ECT2: variants seen among roughly 807,000 people sequenced by gnomAD.
ECT2 encodes the protein epithelial cell transforming 2, also known as protein ECT2.
ECT2 carries 61 observed loss-of-function variants against 116.9 expected under a neutral mutation model. The observed-to-expected ratio is 0.52, with a 90% CI of 0.42 to 0.65. The LOEUF is 0.65. Among genes scored for constraint, ECT2 ranks in the 30% least tolerant of loss-of-function variants. The pLI is 0.00. For synonymous variants in ECT2, 358 were observed against 346.4 expected, an observed-to-expected ratio of 1.03 and a Z score of -0.37; for missense variants, 937 against 1,078.7, an observed-to-expected ratio of 0.87 and a Z score of 1.84.
intron 20 of ECT2, among the ~76,000 whole-genome samples, chr3:172,804,889 T>C (rs1168581870): frequency 1.0e-5 from 1 of 97,894 alleles, no homozygotes; most frequent in Non-Finnish European, 2.3e-5. Flanking sequence ...TTGAATCTAT[T>C]GATTTTTTTT....
At chr3:172,753,622 CA>C (rs1406098810) in intron 1 of ECT2, among the ~76,000 whole-genome samples, 1 of 152,118 alleles carries the variant, frequency 6.6e-6, no homozygotes, top group African/African-American at 2.4e-5. Flanking sequence ...GAGACATCCA[CA>C]GAGGATGAGT....
rs567386825 is a variant in ECT2 at position 172,754,377 on chromosome 3, G to T, written c.-22-132G>T. ...AGAAACTGAGGCTCAGAGAAGGTCA[G>T]TGACTTTCTTTGGTTCATTAAAAAA... is the stretch of plus-strand genomic sequence containing the variant. On this transcript the variant is annotated intron_variant, in intron 1 of 24. Coordinates refer to ENST00000392692, the MANE Select transcript of ECT2 (RefSeq NM_001258315.2). The T allele has an allele frequency of 5.3e-4, 318 of 598,746 alleles. 1 individual carries two copies. In the African/African-American group the frequency reaches 5.6e-3, roughly 10 times the overall value. 37.1% of individuals were successfully genotyped at this position (598,746 alleles called of 1,614,324 possible).
intron 14 of ECT2, among the ~76,000 whole-genome samples, chr3:172,776,575 G>A (rs1721780049): frequency 6.6e-6 from 1 of 151,954 alleles, no homozygotes; most frequent in Non-Finnish European, 1.5e-5. Context: ...ATGTGAAACC[G>A]GTACACACAG....
intron 20 of ECT2, among the ~76,000 whole-genome samples, chr3:172,803,853 G>C (rs1007219526): frequency 1.3e-5 from 2 of 148,172 alleles, no homozygotes; most frequent in Non-Finnish European, 3.0e-5. Context: ...TGCCCAGCTT[G>C]GAGTGCAGTG....
intron 18 of ECT2, among the ~76,000 whole-genome samples, chr3:172,793,591 G>T (rs1433813083): frequency 6.6e-6 from 1 of 152,054 alleles, no homozygotes; most frequent in African/African-American, 2.4e-5. Context: ...AGCCTCCCGA[G>T]TAATTGAGAT....
rs1717942482 is a variant in ECT2 at position 172,760,153 on chromosome 3, G to A, written c.577-3G>A. On this transcript the variant is annotated splice_region_variant and splice_polypyrimidine_tract_variant and intron_variant, in intron 6 of 24. Transcript: ENST00000392692. ...GTCAGTGTTGCTTAATTTTTCTTTTGAGGTCAGGTTGGTGACATTGGTCCA... is the reference window on the plus strand; with the variant it reads ...GTCAGTGTTGCTTAATTTTTCTTTTAAGGTCAGGTTGGTGACATTGGTCCA... 1 of 1,583,920 alleles carries A rather than the reference G, an allele frequency of 6.3e-7. No individual in the cohort carries two copies. Among genetic ancestry groups the A allele is most frequent in the African/African-American group, 1.4e-5 (1 of 73,602 alleles).
chr3:172,777,516 T>G (rs1477425616), intron 14 of ECT2, among the ~76,000 whole-genome samples: 1 of 152,144 alleles, frequency 6.6e-6, no homozygotes, highest in Admixed American at 6.5e-5. Context: ...AAGATGAAAA[T>G]TTTTGAGGTT....
intron 6 of ECT2, 143 bp downstream of exon 6, chr3:172,759,212 C>A: frequency 1.7e-6 from 1 of 571,558 alleles, no homozygotes; most frequent in Non-Finnish European, 2.9e-6. Flanking sequence ...TTTAAATTTT[C>A]TGAAGAAACA....
chr3:172,828,959 G>A, the ECT2 span: 4 of 1,383,518 alleles, frequency 2.9e-6, no homozygotes, highest in East Asian at 9.3e-5. Context: ...GGCTGCCTCA[G>A]CACCAATAAA....
the ECT2 span, chr3:172,829,126 C>T: frequency 3.0e-6 from 2 of 673,864 alleles, no homozygotes; most frequent in African/African-American, 3.6e-5. Flanking sequence ...CCTGGTGCAA[C>T]AGTGGATCTG....
intron 18 of ECT2, among the ~76,000 whole-genome samples, chr3:172,791,163 A>C (rs1724587523): frequency 6.6e-6 from 1 of 152,184 alleles, no homozygotes; most frequent in African/African-American, 2.4e-5. Context: ...TCAAGAAAAA[A>C]ATTAGTAAAC....
At chr3:172,824,599 A>G (rs929621580), downstream of ECT2, among the ~76,000 whole-genome samples, 2 of 152,196 alleles carry the variant, frequency 1.3e-5, no homozygotes, top group African/African-American at 4.8e-5. Context: ...TCAATATGCA[A>G]TACACTTTTC....
At chr3:172,818,853 A>G in intron 24 of ECT2, 2 of 1,135,022 alleles carry the variant, frequency 1.8e-6, no homozygotes, top group Non-Finnish European at 2.2e-6. Context: ...ATTTGCGGGA[A>G]AAAAAAAAGG....
At chr3:172,772,546 C>G (rs1720859809) in intron 13 of ECT2, among the ~76,000 whole-genome samples, 1 of 152,124 alleles carries the variant, frequency 6.6e-6, no homozygotes, top group Non-Finnish European at 1.5e-5. Flanking sequence ...ACATGACTTG[C>G]AAATGCTTTT....
At chr3:172,784,653 C>A in intron 16 of ECT2, 54 bp from the exon 17 acceptor site, 3 of 1,271,758 alleles carry the variant, frequency 2.4e-6, no homozygotes, top group Non-Finnish European at 3.5e-6. Context: ...AAAAGTAGGG[C>A]ATATAATCTT....
rs763734497 is a variant in ECT2 at position 172,757,045 on chromosome 3, G to A, written c.366G>A (p.Pro122=). 10 of 1,611,480 alleles carry A rather than the reference G, an allele frequency of 6.2e-6. No homozygotes were observed. The highest frequency in any genetic ancestry group is 3.4e-5 in the Admixed American group (2 of 59,436). The stretch of plus-strand genomic sequence containing the variant: ...AAGAATTTGAAGGTTTGGATTCTCC[G>A]GAATTTGAAAATGTATTTGTAGTCA... ...SVEEFEGLDS[P]EFENVFVVTD... is the part of the protein sequence containing the mutation. The change falls in exon 5 of 25, where the codon CCG becomes CCA. Residue 122 remains proline (P), a synonymous_variant. Transcript: ENST00000392692.
At chr3:172,778,588 CTTTTTTTTTT>C (rs5854485) in intron 14 of ECT2, among the ~76,000 whole-genome samples, 4 of 59,810 alleles carry the variant, frequency 6.7e-5, no homozygotes, top group South Asian at 8.1e-4. Context: ...TATTAGCTAT[CTTTTTTTTTT>C]TTTTTTTTTT....
rs1382319258 is a variant in ECT2 at position 172,750,838 on chromosome 3, C to T, written c.-42C>T. ...GTCGGCGTTTGAAGAGGTGGAACTC[C>T]TAGGGCTTTTTTGAGAGTGGTAAGG... On this transcript the variant is annotated 5_prime_UTR_variant, in exon 1 of 25. Transcript: ENST00000392692. 2.5e-4 allele frequency: 39 copies of T among 153,010 alleles called. No homozygotes were observed. Among genetic ancestry groups the T allele is most frequent in the East Asian group, 1.9e-4 (1 of 5,190 alleles). 9.5% of individuals were successfully genotyped at this position (153,010 alleles called of 1,614,324 possible).
At chr3:172,763,138 T>C (rs1404070789) in intron 11 of ECT2, among the ~76,000 whole-genome samples, 166 bp downstream of exon 11, 1 of 152,244 alleles carries the variant, frequency 6.6e-6, no homozygotes, top group East Asian at 1.9e-4. Flanking sequence ...AACTATTCAA[T>C]GTAATGTGTA....
Sources: allele counts gnomAD v4.1 joint callset (sites outside exome capture counted in the v4.1 genomes callset), GRCh38; gene constraint gnomAD v4.1.1; transcripts MANE v1.5; gene names NCBI Gene and HGNC (gene_info 2026-07-23, HGNC 2026-07-21).